The following SHISA9 variants were observed in gnomAD, a reference collection of about 807,000 sequenced individuals.
The protein encoded by SHISA9 is protein shisa-9.
In SHISA9, 13 loss-of-function variants were observed where a neutral mutation model predicts 38.0. That is an observed-to-expected ratio of 0.34 (90% CI 0.22 to 0.54). SHISA9 has a LOEUF of 0.54. Ranked by LOEUF, SHISA9 falls within the 20% of genes least tolerant of loss-of-function variation. The probability of loss-of-function intolerance (pLI) is 0.91; values close to 1 mark genes in which losing one functional copy is unlikely to be tolerated. For missense variants in SHISA9, 538 were observed against 575.8 expected, an observed-to-expected ratio of 0.93 and a Z score of 0.67; for synonymous variants, 275 against 242.0, an observed-to-expected ratio of 1.14 and a Z score of -1.27.
At chr16:13,034,130 A>C (rs978466054) in intron 2 of SHISA9, among the ~76,000 whole-genome samples, 2 of 140,992 alleles carry the variant, frequency 1.4e-5, no homozygotes, top group Non-Finnish European at 3.1e-5. Context: ...GGGTGACAAG[A>C]ATGGAAACTC....
At chr16:13,088,504 T>C (rs2073738950) in intron 2 of SHISA9, among the ~76,000 whole-genome samples, 1 of 152,256 alleles carries the variant, frequency 6.6e-6, no homozygotes, top group Non-Finnish European at 1.5e-5. Flanking sequence ...CAGTGGTTTG[T>C]AGTTCTCCTT....
the SHISA9 span, among the ~76,000 whole-genome samples, chr16:13,536,290 C>T: frequency 9.2e-5 from 14 of 152,214 alleles, no homozygotes; most frequent in Middle Eastern, 3.2e-3. Flanking sequence ...AGCCACCGTA[C>T]CTGGCCTGCG....
intron 2 of SHISA9, among the ~76,000 whole-genome samples, chr16:13,192,691 C>A (rs867034281): frequency 1.3e-5 from 2 of 152,028 alleles, no homozygotes; most frequent in African/African-American, 4.8e-5. Context: ...CTGACTAACA[C>A]GGTGAAACCC....
intron 2 of SHISA9, among the ~76,000 whole-genome samples, chr16:12,978,435 A>G (rs1477274241): frequency 1.3e-5 from 2 of 152,244 alleles, no homozygotes; most frequent in Non-Finnish European, 2.9e-5. Flanking sequence ...TGAAGCATGC[A>G]GAATGTAATT....
chr16:13,047,796 AT>A (rs1596610792), intron 2 of SHISA9, among the ~76,000 whole-genome samples: 1 of 152,194 alleles, frequency 6.6e-6, no homozygotes, highest in Non-Finnish European at 1.5e-5. Context: ...TAATAGTAAA[AT>A]TGCTAAAGTT....
At chr16:13,426,858 C>A in the SHISA9 span, among the ~76,000 whole-genome samples, 1 of 152,320 alleles carries the variant, frequency 6.6e-6, no homozygotes, top group Admixed American at 6.5e-5. Context: ...TATCACCAAG[C>A]ATTCTATTTA....
At chr16:13,393,252 C>G in the SHISA9 span, among the ~76,000 whole-genome samples, 1 of 152,236 alleles carries the variant, frequency 6.6e-6, no homozygotes, top group Non-Finnish European at 1.5e-5. Flanking sequence ...TGCAGTCACA[C>G]AGGGCCCACT....
intron 2 of SHISA9, among the ~76,000 whole-genome samples, chr16:13,144,157 CTTT>C (rs755627867): frequency 4.7e-5 from 6 of 127,790 alleles, no homozygotes; most frequent in East Asian, 4.5e-4. Flanking sequence ...GGGGCTAGTT[CTTT>C]TTTTTTTTTT....
At chr16:13,029,759 C>T (rs540190445) in intron 2 of SHISA9, among the ~76,000 whole-genome samples, 1 of 152,180 alleles carries the variant, frequency 6.6e-6, no homozygotes, top group East Asian at 1.9e-4. Flanking sequence ...AACAATTGAA[C>T]CCATCTCTCT....
At chr16:13,389,196 C>G in the SHISA9 span, among the ~76,000 whole-genome samples, 5 of 152,170 alleles carry the variant, frequency 3.3e-5, no homozygotes, top group Non-Finnish European at 7.3e-5. Context: ...CTTCACTGCC[C>G]TAAAAATCCT....
chr16:13,361,444 G>A, the SHISA9 span, among the ~76,000 whole-genome samples: 2 of 152,156 alleles, frequency 1.3e-5, no homozygotes, highest in Non-Finnish European at 2.9e-5. Flanking sequence ...AACCTTCATT[G>A]GGTATCTGCT....
At chr16:13,412,504 C>T in the SHISA9 span, among the ~76,000 whole-genome samples, 1 of 152,018 alleles carries the variant, frequency 6.6e-6, no homozygotes, top group Non-Finnish European at 1.5e-5. Flanking sequence ...TCCCTAATAA[C>T]CACTGTGCAA....
At chr16:13,303,807 G>A in the SHISA9 span, among the ~76,000 whole-genome samples, 14 of 152,250 alleles carry the variant, frequency 9.2e-5, no homozygotes, top group Admixed American at 4.6e-4. Context: ...ATATGATTGC[G>A]TGAGAATGAT....
At chr16:13,210,820 C>T (rs764628305) in intron 3 of SHISA9, among the ~76,000 whole-genome samples, 4 of 152,218 alleles carry the variant, frequency 2.6e-5, no homozygotes, top group Non-Finnish European at 5.9e-5. Context: ...AGCCAAGTCT[C>T]ATATTCAAGA....
At chr16:13,342,290 C>G in the SHISA9 span, among the ~76,000 whole-genome samples, 4 of 152,068 alleles carry the variant, frequency 2.6e-5, no homozygotes, top group East Asian at 7.7e-4. Context: ...ACAAACATCA[C>G]AGATGCCAGC....
At chr16:13,071,147 C>A (rs2073508862) in intron 2 of SHISA9, among the ~76,000 whole-genome samples, 2 of 152,138 alleles carry the variant, frequency 1.3e-5, no homozygotes, top group African/African-American at 4.8e-5. Context: ...TGACAGAGAA[C>A]CGTGCCCTTA....
chr16:13,442,683 G>C, the SHISA9 span, among the ~76,000 whole-genome samples: 2 of 152,144 alleles, frequency 1.3e-5, no homozygotes, highest in Admixed American at 1.3e-4. Context: ...ACTAGGTAAG[G>C]TGACTTATGC....
At chr16:13,187,332 T>TCTTTTCTTTTTTC (rs747280269) in intron 2 of SHISA9, among the ~76,000 whole-genome samples, 9 of 104,250 alleles carry the variant, frequency 8.6e-5, no homozygotes, top group Admixed American at 9.0e-5. Context: ...TCTTTTCTTT[T>TCTTTTCTTTTTTC]TTTTTTTTTT....
downstream of SHISA9, among the ~76,000 whole-genome samples, chr16:13,243,440 A>T (rs2051449594): frequency 6.6e-6 from 1 of 152,086 alleles, no homozygotes; most frequent in Non-Finnish European, 1.5e-5. Flanking sequence ...GGACAACTCA[A>T]AGTGGGGGGG....
Sources: gnomAD v4.1 joint callset for allele counts (sites outside exome capture counted in the v4.1 genomes callset) on GRCh38, gnomAD v4.1.1 for gene constraint, MANE v1.5 for transcripts, NCBI Gene and HGNC (gene_info 2026-07-23, HGNC 2026-07-21) for gene names.